Variants in LHFPL6 observed in about 807,000 individuals in gnomAD.
LHFPL6 encodes LHFPL tetraspan subfamily member 6 protein.
In LHFPL6, 9 loss-of-function variants were observed where a neutral mutation model predicts 20.6. The observed-to-expected ratio is 0.44, with a 90% CI of 0.26 to 0.76. The LOEUF is 0.76. Among genes scored for constraint, LHFPL6 ranks in the 30% least tolerant of loss-of-function variants. LHFPL6 has a pLI of 0.20. For missense variants in LHFPL6, 218 were observed against 253.5 expected (o/e 0.86, Z 0.95); for synonymous variants, 105 against 98.7 (o/e 1.06, Z -0.38).
At chr13:39,566,944 C>A (rs1489890674) in intron 2 of LHFPL6, among the ~76,000 whole-genome samples, 1 of 151,830 alleles carries the variant, frequency 6.6e-6, no homozygotes, top group Non-Finnish European at 1.5e-5. Context: ...TCACACATGC[C>A]TCCCAGAATA....
intron 2 of LHFPL6, among the ~76,000 whole-genome samples, chr13:39,472,213 C>T (rs1371549428): frequency 2.0e-5 from 3 of 152,060 alleles, no homozygotes; most frequent in East Asian, 1.9e-4. Context: ...ATATACTACC[C>T]GGCCATTGCA....
intron 3 of LHFPL6, among the ~76,000 whole-genome samples, chr13:39,367,769 A>T (rs1870048980): frequency 6.6e-6 from 1 of 152,240 alleles, no homozygotes; most frequent in Non-Finnish European, 1.5e-5. Flanking sequence ...GTAGATTCTG[A>T]ATTTCTCTGA....
intron 2 of LHFPL6, among the ~76,000 whole-genome samples, chr13:39,379,636 A>C (rs1212349776): frequency 6.6e-6 from 1 of 152,310 alleles, no homozygotes; most frequent in Non-Finnish European, 1.5e-5. Context: ...CCTGGTGGAT[A>C]AATTGACCAG....
At chr13:39,346,039 A>T (rs1398807742) in intron 3 of LHFPL6, among the ~76,000 whole-genome samples, 1 of 152,208 alleles carries the variant, frequency 6.6e-6, no homozygotes, top group Non-Finnish European at 1.5e-5. Flanking sequence ...TACCTTGTTC[A>T]TTTGTGAAAA....
chr13:39,482,467 C>T (rs1345021218), intron 2 of LHFPL6, among the ~76,000 whole-genome samples: 1 of 150,306 alleles, frequency 6.7e-6, no homozygotes, highest in Admixed American at 6.6e-5. Context: ...TTAAGAAGAA[C>T]AGTCTTACCC....
At chr13:39,424,502 C>T (rs546242383) in intron 2 of LHFPL6, among the ~76,000 whole-genome samples, 2 of 152,242 alleles carry the variant, frequency 1.3e-5, no homozygotes, top group South Asian at 2.1e-4. Flanking sequence ...GGAAACATCC[C>T]TATTGTGTGA....
At chr13:39,602,406 G>T (rs977913153) in intron 1 of LHFPL6, among the ~76,000 whole-genome samples, 1 of 152,056 alleles carries the variant, frequency 6.6e-6, no homozygotes, top group African/African-American at 2.4e-5. Flanking sequence ...TCACTCAAAC[G>T]GGAGGTCGGC....
intron 2 of LHFPL6, among the ~76,000 whole-genome samples, chr13:39,486,815 A>G (rs1197497797): frequency 6.6e-6 from 1 of 152,262 alleles, no homozygotes; most frequent in Non-Finnish European, 1.5e-5. Context: ...CTCTGCCTCA[A>G]TAATTTAGAA....
At chr13:39,352,829 AT>A (rs1869603721) in intron 3 of LHFPL6, among the ~76,000 whole-genome samples, 1 of 131,936 alleles carries the variant, frequency 7.6e-6, no homozygotes, top group Non-Finnish European at 1.6e-5. Flanking sequence ...ATTTATATAT[AT>A]ATATGTGTAT....
chr13:39,376,603 A>G (rs1870300243), intron 3 of LHFPL6, among the ~76,000 whole-genome samples: 1 of 152,176 alleles, frequency 6.6e-6, no homozygotes, highest in African/African-American at 2.4e-5. Context: ...ACAGACCTTT[A>G]ATACTTTTTT....
chr13:39,499,809 T>A (rs906429988), intron 2 of LHFPL6, among the ~76,000 whole-genome samples: 2 of 152,248 alleles, frequency 1.3e-5, no homozygotes, highest in Non-Finnish European at 2.9e-5. Flanking sequence ...CTATCTTTGG[T>A]CTTCAGTAAC....
chr13:39,587,581 T>C (rs191738961), intron 2 of LHFPL6, among the ~76,000 whole-genome samples: 1 of 152,192 alleles, frequency 6.6e-6, no homozygotes, highest in Admixed American at 6.5e-5. Context: ...GGCAGCAGTA[T>C]GAATTTGAAT....
intron 2 of LHFPL6, among the ~76,000 whole-genome samples, chr13:39,568,761 G>A (rs1249632198): frequency 2.0e-5 from 3 of 152,134 alleles, no homozygotes; most frequent in Admixed American, 6.5e-5. Flanking sequence ...TGTTCACACT[G>A]TCCAGTTTAG....
intron 2 of LHFPL6, among the ~76,000 whole-genome samples, chr13:39,515,093 G>C (rs1330444824): frequency 1.3e-5 from 2 of 152,218 alleles, no homozygotes; most frequent in Admixed American, 6.5e-5. Context: ...TCCCCTTTAA[G>C]TGGAGTGGCT....
intron 2 of LHFPL6, among the ~76,000 whole-genome samples, chr13:39,400,877 T>C (rs1481043596): frequency 1.3e-5 from 2 of 150,112 alleles, no homozygotes; most frequent in African/African-American, 4.9e-5. Flanking sequence ...CATCAACTAC[T>C]ATGTTTATTC....
intron 2 of LHFPL6, among the ~76,000 whole-genome samples, chr13:39,558,338 C>T (rs555067725): frequency 3.4e-4 from 52 of 152,300 alleles, no homozygotes; most frequent in African/African-American, 1.2e-3. Flanking sequence ...AATGAGATAA[C>T]ATACATGCAA....
rs963844810 is a variant in LHFPL6, at chr13:39,565,887, C to T, written c.385+34945G>A. ...GGGGATTCCAGGACCCACCAGTTCA[C>T]GGGAGTCACATGAGAAATAACAACA... On this transcript the variant is annotated intron_variant, in intron 2 of 3. Coordinates refer to ENST00000379589, the MANE Select transcript of LHFPL6 (RefSeq NM_005780.3). Among the ~76,000 whole-genome samples, 14 of 152,142 alleles carry T rather than the reference C, an allele frequency of 9.2e-5. No homozygotes were observed. The East Asian group carries it at 1.2e-3, about 13-fold the overall frequency.
chr13:39,430,679 G>A (rs780309283), intron 2 of LHFPL6, among the ~76,000 whole-genome samples: 25 of 152,102 alleles, frequency 1.6e-4, no homozygotes, highest in Non-Finnish European at 2.2e-4. Context: ...ACCAATCAGC[G>A]CTCTGCGTCT....
intron 2 of LHFPL6, among the ~76,000 whole-genome samples, chr13:39,505,815 T>G (rs1217848689): frequency 6.6e-6 from 1 of 152,074 alleles, no homozygotes; most frequent in Non-Finnish European, 1.5e-5. Context: ...AGTGATAGAG[T>G]GAAGGGTATT....
Sources: gnomAD v4.1 joint callset for allele counts (sites outside exome capture counted in the v4.1 genomes callset) on GRCh38, gnomAD v4.1.1 for gene constraint, MANE v1.5 for transcripts, NCBI Gene and HGNC (gene_info 2026-07-23, HGNC 2026-07-21) for gene names.